GALNT17: variants seen among roughly 807,000 people sequenced by gnomAD.
GALNT17 encodes polypeptide N-acetylgalactosaminyltransferase 17, also known as UDP-GalNAc:polypeptide N-acetylgalactosaminyltransferase-like 3.
GALNT17 carries 29 observed loss-of-function variants against 63.7 expected under a neutral mutation model. The observed-to-expected ratio is 0.46, with a 90% CI of 0.34 to 0.62. The LOEUF is 0.62. GALNT17 is among the 20% of genes least tolerant of loss of function. The pLI, the probability that GALNT17 is intolerant of heterozygous loss-of-function variation, is 0.01. For synonymous variants in GALNT17, 305 were observed against 318.3 expected (o/e 0.96, Z 0.45); for missense variants, 603 against 799.6 (o/e 0.75, Z 2.97).
chr7:71,428,370 C>A (rs1464924619), intron 5 of GALNT17, among the ~76,000 whole-genome samples: 2 of 151,888 alleles, frequency 1.3e-5, no homozygotes, highest in Non-Finnish European at 2.9e-5. Flanking sequence ...TTTCTGGCTT[C>A]TTTTATTAGC....
At chr7:71,648,411 C>T (rs1319551731) in intron 6 of GALNT17, among the ~76,000 whole-genome samples, 1 of 151,936 alleles carries the variant, frequency 6.6e-6, no homozygotes, top group Admixed American at 6.6e-5. Context: ...GCTGGGACTA[C>T]TTGTGCATGC....
At chr7:71,233,024 G>A (rs1252172303) in intron 1 of GALNT17, among the ~76,000 whole-genome samples, 4 of 152,116 alleles carry the variant, frequency 2.6e-5, no homozygotes, top group East Asian at 3.9e-4. Context: ...TGTGAAGTAG[G>A]TTCTACTCCC....
chr7:71,700,565 C>G (rs546184372), intron 9 of GALNT17, among the ~76,000 whole-genome samples: 2 of 152,120 alleles, frequency 1.3e-5, no homozygotes, highest in East Asian at 1.9e-4. Context: ...CCAGCTCCCC[C>G]ACCTCTATAC....
chr7:71,513,536 C>G (rs1788399661), intron 5 of GALNT17, among the ~76,000 whole-genome samples: 1 of 152,036 alleles, frequency 6.6e-6, no homozygotes, highest in Non-Finnish European at 1.5e-5. Flanking sequence ...CAGGCATGCT[C>G]CACCATGCCT....
At chr7:71,149,527 A>G (rs1788094100) in intron 1 of GALNT17, among the ~76,000 whole-genome samples, 1 of 152,074 alleles carries the variant, frequency 6.6e-6, no homozygotes, top group Non-Finnish European at 1.5e-5. Context: ...TAGGATCAGG[A>G]TGGTTGCAGG....
intron 9 of GALNT17, among the ~76,000 whole-genome samples, chr7:71,700,796 GA>G (rs1791619947): frequency 6.6e-6 from 1 of 152,080 alleles, no homozygotes; most frequent in African/African-American, 2.4e-5. Context: ...CTGCTTTTAT[GA>G]ACCACCGTGT....
intron 1 of GALNT17, among the ~76,000 whole-genome samples, chr7:71,166,160 C>A (rs1374163418): frequency 6.6e-6 from 1 of 152,170 alleles, no homozygotes; most frequent in Non-Finnish European, 1.5e-5. Context: ...CGTTGGCGCT[C>A]AATGTAGAGC....
chr7:71,452,662 A>C (rs1294305981), intron 5 of GALNT17, among the ~76,000 whole-genome samples: 1 of 152,242 alleles, frequency 6.6e-6, no homozygotes, highest in Non-Finnish European at 1.5e-5. Context: ...GCATTTAAAA[A>C]AATCATTTGT....
Position 71,324,779 on chromosome 7 carries a change from G to A in GALNT17, c.239-10771G>A, listed in dbSNP as rs145964995. Among the ~76,000 whole-genome samples the A allele has an allele frequency of 1.1e-3, 161 of 151,818 alleles. 1 individual carries two copies. The highest frequency in any genetic ancestry group is 3.7e-3 in the African/African-American group (154 of 41,406). On this transcript the variant is annotated intron_variant, in intron 1 of 10. Coordinates refer to ENST00000333538, the MANE Select transcript of GALNT17 (RefSeq NM_022479.3). The stretch of plus-strand genomic sequence containing the variant: ...TGCGTGTATATATATATACACATAC[G>A]CATGTGAATTTAAAAATATACATAT...
At chr7:71,563,349 G>A (rs968296346) in intron 5 of GALNT17, among the ~76,000 whole-genome samples, 2 of 152,184 alleles carry the variant, frequency 1.3e-5, no homozygotes, top group African/African-American at 4.8e-5. Flanking sequence ...AAGGGAAGCA[G>A]CAGCCGTGCT....
intron 5 of GALNT17, among the ~76,000 whole-genome samples, chr7:71,429,997 G>A (rs1330676598): frequency 6.6e-6 from 1 of 151,920 alleles, no homozygotes; most frequent in African/African-American, 2.4e-5. Context: ...GTGAGCCACC[G>A]TGCCTGGCTG....
chr7:71,225,042 C>T (rs954030571), intron 1 of GALNT17, among the ~76,000 whole-genome samples: 6 of 152,120 alleles, frequency 3.9e-5, no homozygotes, highest in Non-Finnish European at 5.9e-5. Context: ...GATCTCTGCT[C>T]ACTGCAACCT....
chr7:71,432,976 AT>A (rs551350758), intron 5 of GALNT17, among the ~76,000 whole-genome samples: 5 of 151,932 alleles, frequency 3.3e-5, no homozygotes, highest in Non-Finnish European at 7.4e-5. Flanking sequence ...CACCTGGCTA[AT>A]TTTTTGTATT....
chr7:71,266,645 A>G (rs767815892), intron 1 of GALNT17, among the ~76,000 whole-genome samples: 1 of 152,156 alleles, frequency 6.6e-6, no homozygotes, highest in Non-Finnish European at 1.5e-5. Context: ...CATTTGCCAT[A>G]TTGGGTAACA....
At chr7:71,506,907 C>A (rs776509810) in intron 5 of GALNT17, among the ~76,000 whole-genome samples, 1 of 152,208 alleles carries the variant, frequency 6.6e-6, no homozygotes, top group Non-Finnish European at 1.5e-5. Flanking sequence ...TTTGCAGCAA[C>A]CTAATAGTTG....
chr7:71,217,140 G>GTTTT lies in GALNT17; in HGVS notation c.238+84101_238+84104dup, dbSNP rs200574411. On this transcript the variant is annotated intron_variant, in intron 1 of 10. Transcript: ENST00000333538. Reference sequence around the variant, plus strand: ...CACCATGCACAGCTAATTTTTTCGTGTTTTGTTTTTTTTTTTTTTTTTTTT... The same window carrying GTTTT: ...CACCATGCACAGCTAATTTTTTCGTGTTTTTTTTGTTTTTTTTTTTTTTTTTTTT... 9.0e-4 allele frequency among the ~76,000 whole-genome samples: 86 copies of GTTTT among 95,194 alleles called. 2 individuals carry two copies. Among genetic ancestry groups the GTTTT allele is most frequent in the Non-Finnish European group, 1.1e-3 (53 of 47,612 alleles). The allele number at this position is 95,194 out of a possible 152,430, so 62.5% of individuals were successfully genotyped here.
In GALNT17 at chr7:71,597,556, T is replaced by C. The variant is rs947844600; in HGVS notation, c.1080+26154T>C. ...TAAATAAGTAAATAATAAACAAACA[T>C]TTCTGAATTTCACATGCAAGAAAGT... On this transcript the variant is annotated intron_variant, in intron 6 of 10. Coordinates refer to ENST00000333538, the MANE Select transcript of GALNT17 (RefSeq NM_022479.3). Among the ~76,000 whole-genome samples, 3 of 139,232 alleles carry C rather than the reference T, an allele frequency of 2.2e-5. No homozygotes were observed. In the East Asian group the frequency reaches 6.1e-4, roughly 28 times the overall value. 91.3% of individuals were successfully genotyped at this position (139,232 alleles called of 152,430 possible). A position where few individuals can be genotyped will look rare whatever the true frequency, so the allele number is the denominator to read the frequency against.
At chr7:71,588,161 G>C (rs949692818) in intron 6 of GALNT17, among the ~76,000 whole-genome samples, 1 of 152,300 alleles carries the variant, frequency 6.6e-6, no homozygotes, top group African/African-American at 2.4e-5. Flanking sequence ...TTTAGAAAGA[G>C]TAAGGTAAAT....
intron 5 of GALNT17, among the ~76,000 whole-genome samples, chr7:71,458,630 G>A (rs1787396455): frequency 6.6e-6 from 1 of 152,172 alleles, no homozygotes; most frequent in African/African-American, 2.4e-5. Flanking sequence ...GAAGGATGGT[G>A]AATGCAGGGG....
Sources: gnomAD v4.1 joint callset for allele counts (sites outside exome capture counted in the v4.1 genomes callset) on GRCh38, gnomAD v4.1.1 for gene constraint, MANE v1.5 for transcripts, NCBI Gene and HGNC (gene_info 2026-07-23, HGNC 2026-07-21) for gene names.